RBM19: variants seen among roughly 807,000 people sequenced by gnomAD.
RBM19 encodes the protein probable RNA-binding protein 19.
A neutral mutation model predicts 116.8 loss-of-function variants in RBM19; 94 were observed. The ratio of observed to expected loss-of-function variants is 0.80; its 90% CI spans 0.68 to 0.95. The LOEUF (loss-of-function observed/expected upper bound fraction) is 0.95. Ranked by LOEUF, RBM19 falls within the 40% of genes least tolerant of loss-of-function variation. RBM19 has a pLI of 0.00. For synonymous variants in RBM19, 475 were observed against 494.1 expected (o/e 0.96, Z 0.51); for missense variants, 1,161 against 1,220.7 (o/e 0.95, Z 0.73).
intron 8 of RBM19, among the ~76,000 whole-genome samples, chr12:113,950,570 G>A (rs1241284491): frequency 2.0e-5 from 3 of 152,116 alleles, no homozygotes; most frequent in Non-Finnish European, 4.4e-5. Context: ...CTGAGGCCTT[G>A]ACTTGCACAA....
chr12:113,818,396 G>T (rs1368944226), downstream of RBM19, among the ~76,000 whole-genome samples: 2 of 152,114 alleles, frequency 1.3e-5, no homozygotes, highest in Non-Finnish European at 2.9e-5. Flanking sequence ...GGGCCAGTGG[G>T]CAGGGGGGCA....
rs1566016162 is a variant in RBM19, at chr12:113,918,378, C to T, written c.2441+14G>A. 1 of 1,614,148 alleles carries T rather than the reference C, an allele frequency of 6.2e-7. No homozygotes were observed. Among genetic ancestry groups the T allele is most frequent in the Non-Finnish European group, 8.5e-7 (1 of 1,179,982 alleles). On this transcript the variant is annotated intron_variant, in intron 20 of 23. Coordinates refer to ENST00000261741, the MANE Select transcript of RBM19 (RefSeq NM_016196.4). Reference sequence around the variant, plus strand: ...CAGCTCGTAGGAAAGGAAATGAGGACACTGAAGACTCACTTAGTGGCTCGT... The same window carrying T: ...CAGCTCGTAGGAAAGGAAATGAGGATACTGAAGACTCACTTAGTGGCTCGT...
intron 20 of RBM19, among the ~76,000 whole-genome samples, chr12:113,916,665 C>T (rs1882793085): frequency 1.3e-5 from 2 of 152,282 alleles, no homozygotes; most frequent in Middle Eastern, 3.4e-3. Context: ...AGACCCGCTG[C>T]CATGCCATGG....
chr12:113,844,527 G>A, intron 23 of RBM19, 141 bp downstream of exon 23: 1 of 1,198,434 alleles, frequency 8.3e-7, no homozygotes, highest in East Asian at 2.8e-5. Context: ...GGGGCTGTGG[G>A]AGGATGCCCA....
chr12:113,879,450 T>TAC (rs61645545), intron 21 of RBM19, among the ~76,000 whole-genome samples: 1 of 149,240 alleles, frequency 6.7e-6, no homozygotes, highest in East Asian at 2.1e-4. Context: ...TATATATATA[T>TAC]GGACTTTTCT....
chr12:113,869,257 C>T (rs1163102663), intron 21 of RBM19, among the ~76,000 whole-genome samples: 3 of 152,132 alleles, frequency 2.0e-5, no homozygotes, highest in Non-Finnish European at 4.4e-5. Context: ...TTCTGTGATT[C>T]GTGGAACTCT....
chr12:113,889,645 T>C (rs1593538567), intron 21 of RBM19, among the ~76,000 whole-genome samples: 1 of 143,450 alleles, frequency 7.0e-6, no homozygotes, highest in East Asian at 2.1e-4. Context: ...TTGTTTTTCA[T>C]ACTAAAAAAA....
chr12:113,959,997 C>A, intron 3 of RBM19, 62 bp downstream of exon 3: 8 of 1,613,984 alleles, frequency 5.0e-6, no homozygotes, highest in Non-Finnish European at 6.8e-6. Context: ...TCTTTGGGAA[C>A]CAAAAGTGAG....
At chr12:113,881,323 G>A (rs1036935884) in intron 21 of RBM19, among the ~76,000 whole-genome samples, 1 of 152,182 alleles carries the variant, frequency 6.6e-6, no homozygotes, top group Non-Finnish European at 1.5e-5. Flanking sequence ...GGAGGAAGGA[G>A]GACAAGTGTG....
intron 7 of RBM19, among the ~76,000 whole-genome samples, chr12:113,953,880 C>A (rs1246400382): frequency 1.3e-5 from 2 of 152,184 alleles, no homozygotes; most frequent in African/African-American, 4.8e-5. Context: ...GAGAAAACAA[C>A]GAATATGTGA....
At chr12:113,820,953 T>C (rs1222420005), downstream of RBM19, among the ~76,000 whole-genome samples, 1 of 152,148 alleles carries the variant, frequency 6.6e-6, no homozygotes, top group Non-Finnish European at 1.5e-5. Context: ...GCAGGAAGGG[T>C]TGGACAGCCC....
chr12:113,854,275 T>C (rs571569842), intron 22 of RBM19, among the ~76,000 whole-genome samples: 1 of 152,252 alleles, frequency 6.6e-6, no homozygotes, highest in Admixed American at 6.5e-5. Context: ...CTTCCAGAAG[T>C]TGACAGTTTT....
chr12:113,859,440 G>A (rs144517304), intron 21 of RBM19, among the ~76,000 whole-genome samples: 5 of 152,160 alleles, frequency 3.3e-5, no homozygotes, highest in South Asian at 4.1e-4. Flanking sequence ...TTTCTTCAGC[G>A]CTCAAATGAT....
chr12:113,923,217 A>G (rs964767995), intron 18 of RBM19, among the ~76,000 whole-genome samples: 1 of 152,198 alleles, frequency 6.6e-6, no homozygotes, highest in African/African-American at 2.4e-5. Context: ...TTTTAAAAAA[A>G]GTGTGGGTGG....
chr12:113,838,697 G>GT (rs1876177844), intron 23 of RBM19, among the ~76,000 whole-genome samples: 1 of 152,214 alleles, frequency 6.6e-6, no homozygotes, highest in African/African-American at 2.4e-5. Flanking sequence ...AAGATTGCTA[G>GT]TTACAGTAAC....
chr12:113,938,701 A>G (rs575228230), intron 15 of RBM19, among the ~76,000 whole-genome samples: 6 of 152,220 alleles, frequency 3.9e-5, no homozygotes, highest in Non-Finnish European at 7.3e-5. Flanking sequence ...CCTAAATCCA[A>G]TGACAAGTGT....
rs143114000 is a variant in RBM19, at chr12:113,851,451, G to A, written c.2665-6663C>T. On this transcript the variant is annotated intron_variant, in intron 22 of 23. Coordinates refer to ENST00000261741, the MANE Select transcript of RBM19 (RefSeq NM_016196.4). ...CTGGGAGAGGAAAGAGAGCCACTAG[G>A]GAGAGAGGGCCAATGCCAGGGACCC... is the stretch of plus-strand genomic sequence containing the variant. Among the ~76,000 whole-genome samples, 632 of 152,308 alleles carry A rather than the reference G, an allele frequency of 4.1e-3. 8 individuals are homozygous for A. Among genetic ancestry groups the A allele is most frequent in the African/African-American group, 0.014 (602 of 41,572 alleles).
chr12:113,937,649 T>G (rs1207815458), intron 15 of RBM19, among the ~76,000 whole-genome samples: 2 of 151,612 alleles, frequency 1.3e-5, no homozygotes, highest in African/African-American at 4.8e-5. Flanking sequence ...ACACCTGTAG[T>G]CCTAGCTACT....
chr12:113,853,486 A>G (rs1464138030), intron 22 of RBM19, among the ~76,000 whole-genome samples: 2 of 152,228 alleles, frequency 1.3e-5, no homozygotes, highest in Non-Finnish European at 2.9e-5. Context: ...GGGGAAGGGA[A>G]AAATTAAAGG....
Sources: gnomAD v4.1 joint callset for allele counts (sites outside exome capture counted in the v4.1 genomes callset) on GRCh38, gnomAD v4.1.1 for gene constraint, MANE v1.5 for transcripts, NCBI Gene and HGNC (gene_info 2026-07-23, HGNC 2026-07-21) for gene names.